ANK2: variants seen among roughly 807,000 people sequenced by gnomAD.
ANK2 encodes the protein ankyrin-2.
Under a neutral mutation model 360.5 loss-of-function variants are expected in ANK2, and 83 were observed. That is an observed-to-expected ratio of 0.23 (90% CI 0.19 to 0.28). ANK2 has a LOEUF of 0.28. Among genes scored for constraint, ANK2 ranks in the 10% least tolerant of loss-of-function variants. ANK2 has a pLI of 1.00. For synonymous variants in ANK2, 1,740 were observed against 1,759.5 expected, an observed-to-expected ratio of 0.99 and a Z score of 0.28; for missense variants, 4,201 against 4,795.7, an observed-to-expected ratio of 0.88 and a Z score of 3.66.
rs148191015 is a variant in ANK2 at position 112,822,700 on chromosome 4, C to T, written c.-40+4436C>T. On this transcript the variant is annotated intron_variant, in intron 1 of 30. Coordinates refer to the ANK2 transcript ENST00000503271. ...GGCGGAGGTTGCAGTGAGCAAAGAT[C>T]GCAACCTGCACTCCAGCCTGGGTGA... 2.2e-3 allele frequency among the ~76,000 whole-genome samples: 337 copies of T among 150,266 alleles called. 1 individual carries two copies. The highest frequency in any genetic ancestry group is 6.9e-3 in the Middle Eastern group (2 of 290).
At chr4:113,101,824 G>C (rs1173185145) in intron 1 of ANK2, among the ~76,000 whole-genome samples, 1 of 152,108 alleles carries the variant, frequency 6.6e-6, no homozygotes, top group Admixed American at 6.6e-5. Context: ...CTATGACCAA[G>C]TTATACTGAA....
intron 1 of ANK2, among the ~76,000 whole-genome samples, chr4:113,078,575 T>C (rs531811682): frequency 8.5e-5 from 13 of 152,288 alleles, no homozygotes; most frequent in Admixed American, 8.5e-4. Context: ...TTATATGTTT[T>C]GATTCTTCTC....
intron 1 of ANK2, among the ~76,000 whole-genome samples, chr4:112,832,820 TA>T (rs2060094972): frequency 6.6e-6 from 1 of 152,242 alleles, no homozygotes; most frequent in Non-Finnish European, 1.5e-5. Context: ...ATTCTTGCTT[TA>T]TAACCTCCAA....
At chr4:112,858,534 A>G (rs571630141) in intron 1 of ANK2, among the ~76,000 whole-genome samples, 1 of 152,284 alleles carries the variant, frequency 6.6e-6, no homozygotes, top group South Asian at 2.1e-4. Context: ...ATTAGAACCA[A>G]TTTGGTTGTT....
chr4:113,201,995 T>C (rs947121836), intron 4 of ANK2, among the ~76,000 whole-genome samples: 1 of 152,168 alleles, frequency 6.6e-6, no homozygotes, highest in Non-Finnish European at 1.5e-5. Context: ...AAACTAACAT[T>C]CATATTGTGC....
chr4:113,132,799 C>G (rs2096135843), intron 1 of ANK2, among the ~76,000 whole-genome samples: 1 of 152,104 alleles, frequency 6.6e-6, no homozygotes, highest in African/African-American at 2.4e-5. Context: ...ATTCCAGCAG[C>G]CATCTATACT....
chr4:112,855,184 A>C (rs1290268820), intron 1 of ANK2, among the ~76,000 whole-genome samples: 1 of 152,206 alleles, frequency 6.6e-6, no homozygotes, highest in Non-Finnish European at 1.5e-5. Context: ...GGCCTTGTGC[A>C]GTTTATGATT....
At chr4:112,982,801 C>T (rs1190773779) in intron 2 of ANK2, among the ~76,000 whole-genome samples, 2 of 152,136 alleles carry the variant, frequency 1.3e-5, no homozygotes, top group Non-Finnish European at 2.9e-5. Context: ...TTACACCTTT[C>T]AGTTAAGCGA....
the ANK2 span, among the ~76,000 whole-genome samples, chr4:112,721,899 A>C: frequency 6.6e-6 from 1 of 152,322 alleles, no homozygotes; most frequent in South Asian, 2.1e-4. Context: ...AATCTTTAAA[A>C]GTGAGTTTCT....
intron 1 of ANK2, among the ~76,000 whole-genome samples, chr4:113,070,809 A>G (rs1448687590): frequency 6.6e-5 from 10 of 152,094 alleles, no homozygotes; most frequent in Admixed American, 6.6e-4. Context: ...CTTAAACACT[A>G]ATTAAATTAA....
the ANK2 span, among the ~76,000 whole-genome samples, chr4:112,785,203 C>A: frequency 1.2e-3 from 186 of 152,216 alleles, no homozygotes; most frequent in African/African-American, 4.3e-3. Context: ...GAATATTTAA[C>A]CTTTTTCACT....
intron 1 of ANK2, among the ~76,000 whole-genome samples, chr4:113,053,465 C>T (rs549582920): frequency 3.9e-5 from 6 of 152,110 alleles, no homozygotes; most frequent in Admixed American, 2.0e-4. Flanking sequence ...GGTTCAGTGG[C>T]GAAGAGGAAA....
chr4:113,310,843 A>C (rs181499386), intron 23 of ANK2, among the ~76,000 whole-genome samples: 3 of 152,260 alleles, frequency 2.0e-5, no homozygotes, highest in African/African-American at 7.2e-5. Context: ...CATGAATAAG[A>C]ATAGATGTAG....
At chr4:113,172,405 A>G (rs185032063) in intron 1 of ANK2, among the ~76,000 whole-genome samples, 201 of 152,342 alleles carry the variant, frequency 1.3e-3, no homozygotes, top group Admixed American at 4.1e-3. Context: ...CTCTGAACTG[A>G]TAAACATAAA....
Position 113,318,599 on chromosome 4 carries a change from C to T in ANK2, c.2879C>T (p.Ser960Phe), listed in dbSNP as rs1303151149. ...GTENLDNVALSSSPIHSGFLV... is the reference protein window; with the variant it reads ...GTENLDNVALFSSPIHSGFLV... ...GAGAACTTAGACAACGTGGCTCTTT[C>T]TTCTAGTCCTATTCATTCAGGGTGA... is the stretch of plus-strand genomic sequence containing the variant. Residue 960 changes from serine to phenylalanine, a missense_variant, in exon 26 of 46, where the codon TCT (serine) becomes TTT (phenylalanine). Physicochemically the swap from Ser to Phe is radical, Grantham distance 155. Around this residue, in one of 4 missense-constraint regions of ANK2, gnomAD observed 1,268 missense variants for 1,650.8 expected, o/e 0.77. Coordinates refer to ENST00000357077, the MANE Select transcript of ANK2 (RefSeq NM_001148.6). 6.2e-7 allele frequency: 1 copy of T among 1,612,744 alleles called. No homozygotes were observed.
At chr4:113,243,969 T>C (rs1449010920) in intron 9 of ANK2, among the ~76,000 whole-genome samples, 1 of 152,186 alleles carries the variant, frequency 6.6e-6, no homozygotes, top group Admixed American at 6.5e-5. Flanking sequence ...TTCTTATTAA[T>C]CAACAGTATT....
chr4:113,082,579 G>C (rs558455944), intron 1 of ANK2, among the ~76,000 whole-genome samples: 2 of 152,236 alleles, frequency 1.3e-5, no homozygotes, highest in Non-Finnish European at 2.9e-5. Context: ...CGTGCATTTA[G>C]TTATAATGCA....
chr4:112,771,207 G>T, the ANK2 span, among the ~76,000 whole-genome samples: 1 of 152,116 alleles, frequency 6.6e-6, no homozygotes, highest in Non-Finnish European at 1.5e-5. Context: ...TCGCCTCCCG[G>T]GTTCAAGCGA....
intron 1 of ANK2, among the ~76,000 whole-genome samples, chr4:112,872,025 T>C (rs2073239670): frequency 6.6e-6 from 1 of 150,996 alleles, no homozygotes; most frequent in South Asian, 2.1e-4. Flanking sequence ...TTTGCATCTG[T>C]ATTTTTTTTT....
Sources: gnomAD v4.1 joint callset for allele counts (sites outside exome capture counted in the v4.1 genomes callset) on GRCh38, gnomAD v4.1.1 for gene constraint, gnomAD v4.1.1 regional missense constraint, MANE v1.5 for transcripts, NCBI Gene and HGNC (gene_info 2026-07-23, HGNC 2026-07-21) for gene names.